Variants in TMTC2 observed in about 807,000 individuals in gnomAD.
The protein encoded by TMTC2 is transmembrane O-mannosyltransferase targeting cadherins 2.
In TMTC2, 43 loss-of-function variants were observed where a neutral mutation model predicts 82.4. The ratio of observed to expected loss-of-function variants is 0.52; its 90% CI spans 0.41 to 0.67. The LOEUF is 0.67. Ranked by LOEUF, TMTC2 falls within the 30% of genes least tolerant of loss-of-function variation. TMTC2 has a pLI of 0.00. For synonymous variants in TMTC2, 408 were observed against 381.9 expected (o/e 1.07, Z -0.80); for missense variants, 919 against 1,012.4 (o/e 0.91, Z 1.25).
At chr12:82,776,697 AT>A (rs1218586010) in intron 1 of TMTC2, among the ~76,000 whole-genome samples, 1 of 151,920 alleles carries the variant, frequency 6.6e-6, no homozygotes, top group Non-Finnish European at 1.5e-5. Context: ...AGGTGGGAGA[AT>A]TGCTTGAGCC....
rs1317663170 is a variant in TMTC2 at position 82,997,324 on chromosome 12, C to CTG, written c.2070+11302_2070+11303dup. 4.9e-3 allele frequency among the ~76,000 whole-genome samples: 125 copies of CTG among 25,534 alleles called. 4 individuals carry two copies. In the East Asian group the frequency reaches 0.054, roughly 11 times the overall value. 16.8% of individuals were successfully genotyped at this position (25,534 alleles called of 152,430 possible). The stretch of plus-strand genomic sequence containing the variant: ...GCCTGGACTGTGTGTGTGTGTGTGT[C>CTG]TGTGTGTGTGTGTGTGTGTGTGTGT... On this transcript the variant is annotated intron_variant, in intron 8 of 11. Transcript: ENST00000321196.
chr12:82,977,523 AT>A (rs1231950800), intron 7 of TMTC2, among the ~76,000 whole-genome samples: 7 of 151,876 alleles, frequency 4.6e-5, no homozygotes, highest in African/African-American at 1.7e-4. Context: ...GATCTAGACA[AT>A]TGAGTAAATC....
At chr12:83,094,703 G>A (rs961406914) in intron 11 of TMTC2, among the ~76,000 whole-genome samples, 1 of 152,220 alleles carries the variant, frequency 6.6e-6, no homozygotes, top group Non-Finnish European at 1.5e-5. Flanking sequence ...ATAAAGTGGA[G>A]ATAAAATGGA....
At chr12:82,769,478 CA>C (rs1182005796) in intron 1 of TMTC2, among the ~76,000 whole-genome samples, 1 of 98,880 alleles carries the variant, frequency 1.0e-5, no homozygotes. Flanking sequence ...TGTCTCAAAC[CA>C]AAAAAAAGAA....
At chr12:82,953,013 G>A (rs1176159715) in intron 4 of TMTC2, among the ~76,000 whole-genome samples, 1 of 152,126 alleles carries the variant, frequency 6.6e-6, no homozygotes, top group Non-Finnish European at 1.5e-5. Flanking sequence ...TTTTAAAAAG[G>A]GAGTCCAGAG....
chr12:83,103,312 G>A (rs1048977680), intron 11 of TMTC2, among the ~76,000 whole-genome samples: 2 of 152,166 alleles, frequency 1.3e-5, no homozygotes, highest in African/African-American at 4.8e-5. Context: ...TGTTAGGCTG[G>A]TCTTGCATTG....
chr12:82,865,969 C>A (rs1592586160), intron 2 of TMTC2, among the ~76,000 whole-genome samples: 1 of 152,188 alleles, frequency 6.6e-6, no homozygotes, highest in East Asian at 1.9e-4. Flanking sequence ...CCAATGAGAA[C>A]AAAGACACAG....
At chr12:83,036,749 G>A (rs554511234) in intron 9 of TMTC2, among the ~76,000 whole-genome samples, 86 of 152,254 alleles carry the variant, frequency 5.6e-4, no homozygotes, top group African/African-American at 2.0e-3. Flanking sequence ...CTGAGACTGG[G>A]TAATTTATAA....
rs1875454514 is a variant in TMTC2 at position 82,922,483 on chromosome 12, T to G, written c.1484-7948T>G. Among the ~76,000 whole-genome samples the G allele has an allele frequency of 2.0e-5, 3 of 152,274 alleles. No homozygotes were observed. In the South Asian group the frequency reaches 6.2e-4, roughly 32 times the overall value. On this transcript the variant is annotated intron_variant, in intron 3 of 11. Transcript: ENST00000321196. ...TGACCTTAATTTTATTTTGTTTCCT[T>G]TCTTTTCCTACCTTCCTTTTCCTTC...
chr12:82,878,632 A>C (rs969294692), intron 2 of TMTC2, among the ~76,000 whole-genome samples: 1 of 152,204 alleles, frequency 6.6e-6, no homozygotes, highest in African/African-American at 2.4e-5. Context: ...TAGATAGTAA[A>C]GATGGGCCAG....
intron 11 of TMTC2, among the ~76,000 whole-genome samples, chr12:83,112,228 T>C (rs1884622433): frequency 6.6e-6 from 1 of 152,206 alleles, no homozygotes; most frequent in Non-Finnish European, 1.5e-5. Context: ...TAGTAAGAGG[T>C]ACCTCAATGT....
chr12:82,755,939 A>T (rs1417861834), intron 1 of TMTC2, among the ~76,000 whole-genome samples: 1 of 152,186 alleles, frequency 6.6e-6, no homozygotes, highest in African/African-American at 2.4e-5. Flanking sequence ...AGGAAAAAAA[A>T]ACCCTGATAT....
intron 2 of TMTC2, among the ~76,000 whole-genome samples, chr12:82,868,697 C>T (rs551568674): frequency 2.2e-5 from 3 of 138,090 alleles, no homozygotes; most frequent in Non-Finnish European, 4.5e-5. Context: ...TCAAGTCTCT[C>T]TCTTTTTTTT....
Position 82,834,415 on chromosome 12 carries a change from G to T in TMTC2, c.84-22595G>T, listed in dbSNP as rs1394058887. 3.9e-5 allele frequency among the ~76,000 whole-genome samples: 6 copies of T among 152,280 alleles called. No individual in the cohort carries two copies. The South Asian group carries it at 8.3e-4, about 21-fold the overall frequency. ...GTGAATATCCAGTAATGGAGAATTC[G>T]CTAAGTTCCGACTTGGCAGCCTCCA... On this transcript the variant is annotated intron_variant, in intron 1 of 11. Coordinates refer to ENST00000321196, the MANE Select transcript of TMTC2 (RefSeq NM_152588.3).
intron 11 of TMTC2, among the ~76,000 whole-genome samples, chr12:83,099,738 G>A (rs1017950417): frequency 2.0e-5 from 3 of 148,482 alleles, no homozygotes; most frequent in Admixed American, 6.7e-5. Flanking sequence ...TTTTTTTAAC[G>A]TTGCTTTTCT....
intron 11 of TMTC2, among the ~76,000 whole-genome samples, chr12:83,122,019 C>G (rs537153167): frequency 6.6e-6 from 1 of 151,940 alleles, no homozygotes; most frequent in East Asian, 1.9e-4. Flanking sequence ...CCAACAGCAC[C>G]GAGTCTGTTT....
chr12:82,852,122 G>A (rs1413411947), intron 1 of TMTC2, among the ~76,000 whole-genome samples: 1 of 144,954 alleles, frequency 6.9e-6, no homozygotes, highest in Non-Finnish European at 1.5e-5. Flanking sequence ...TTTTTTTGGA[G>A]ATGGAGTCTC....
intron 1 of TMTC2, among the ~76,000 whole-genome samples, chr12:82,741,934 A>G (rs1260529371): frequency 6.6e-6 from 1 of 152,160 alleles, no homozygotes; most frequent in Middle Eastern, 3.2e-3. Flanking sequence ...CCAAGATGCA[A>G]GGAGTTCTGG....
intron 1 of TMTC2, among the ~76,000 whole-genome samples, chr12:82,854,927 A>G (rs934304534): frequency 6.6e-6 from 1 of 152,158 alleles, no homozygotes; most frequent in East Asian, 1.9e-4. Flanking sequence ...TTAATAAGGG[A>G]CTTTTCATAG....
Sources: allele counts gnomAD v4.1 joint callset (sites outside exome capture counted in the v4.1 genomes callset), GRCh38; gene constraint gnomAD v4.1.1; transcripts MANE v1.5; gene names NCBI Gene and HGNC (gene_info 2026-07-23, HGNC 2026-07-21).